Variants in TXLNG observed in about 807,000 individuals in gnomAD.
The protein encoded by TXLNG is taxilin gamma.
TXLNG carries 5 observed loss-of-function variants against 38.8 expected under a neutral mutation model. The observed-to-expected ratio is 0.13, with a 90% confidence interval of 0.07 to 0.27. The LOEUF (loss-of-function observed/expected upper bound fraction) is 0.27, where lower values mean the gene tolerates loss of function less well. Among genes scored for constraint, TXLNG ranks in the 10% least tolerant of loss-of-function variants. The pLI is 1.00. For synonymous variants in TXLNG, 182 were observed against 158.2 expected, an observed-to-expected ratio of 1.15 and a Z score of -1.13; for missense variants, 393 against 398.2, an observed-to-expected ratio of 0.99 and a Z score of 0.11.
At chrX:16,795,170 G>A (rs1390475000) in intron 1 of TXLNG, among the ~76,000 whole-genome samples, 3 of 110,173 alleles carry the variant, frequency 2.7e-5, no homozygotes, top group Non-Finnish European at 3.8e-5. Flanking sequence ...CCAGCTACTC[G>A]GGAGGCTGAG....
At chrX:16,840,569 C>T (rs1165697260) in intron 9 of TXLNG, 11 of 393,254 alleles carry the variant, frequency 2.8e-5, no homozygotes, top group East Asian at 4.0e-4. Flanking sequence ...GTCAAGAGAT[C>T]GAGACCAGCC....
chrX:16,816,142 G>C (rs5969782), intron 1 of TXLNG, among the ~76,000 whole-genome samples: 50,451 of 105,931 alleles, frequency 0.48, 9,496 homozygotes, highest in East Asian at 0.85. Context: ...TATCGGCTCA[G>C]TACAACCTCT....
intron 3 of TXLNG, among the ~76,000 whole-genome samples, chrX:16,821,287 C>A (rs772565755): frequency 9.2e-6 from 1 of 108,558 alleles, no homozygotes; most frequent in Non-Finnish European, 1.9e-5. Flanking sequence ...ACTACAGGCG[C>A]GTGCCACCAC....
Position 16,829,650 on chromosome X carries a change from A to G in TXLNG, c.744A>G (p.Leu248=). Residue 248 remains leucine (L), a synonymous_variant, in exon 5 of 10, where the codon TTA becomes TTG. Coordinates refer to ENST00000380122, the MANE Select transcript of TXLNG (RefSeq NM_018360.3). ...CAACTGCACATTTCCAGATTACCTT[A>G]AATGAAATTCAAGCCCAGCTGGAGC... ...KEATAHFQIT[L]NEIQAQLEQH... 2.5e-6 allele frequency: 3 copies of G among 1,212,104 alleles called. No individual in the cohort carries two copies. Among genetic ancestry groups the G allele is most frequent in the Non-Finnish European group, 3.3e-6 (3 of 895,556 alleles).
chrX:16,839,243 G>T (rs1311239378), intron 8 of TXLNG: 2 of 111,773 alleles, frequency 1.8e-5, no homozygotes, highest in African/African-American at 6.5e-5. Flanking sequence ...CAAAGCTGAG[G>T]TATTAACTAC....
At position 16,810,969 on chromosome X, in the gene TXLNG, C is replaced by T. The variant is rs768093020; in HGVS notation, c.103-7605C>T. Reference sequence around the variant, plus strand: ...TTGCTGGGTTTCCAGCATGAGCTACCGTGCCTGGCCAATAGTGGTATTTTC... The same window carrying T: ...TTGCTGGGTTTCCAGCATGAGCTACTGTGCCTGGCCAATAGTGGTATTTTC... On this transcript the variant is annotated intron_variant, in intron 1 of 9. Coordinates refer to ENST00000380122, the MANE Select transcript of TXLNG (RefSeq NM_018360.3). 9.8e-5 allele frequency among the ~76,000 whole-genome samples: 11 copies of T among 112,150 alleles called. No homozygotes were observed. In the South Asian group the frequency reaches 1.9e-3, roughly 19 times the overall value.
At chrX:16,795,967 C>T (rs765611807) in intron 1 of TXLNG, among the ~76,000 whole-genome samples, 10 of 108,691 alleles carry the variant, frequency 9.2e-5, no homozygotes, top group African/African-American at 3.3e-4. Flanking sequence ...TATGCGCCAC[C>T]GTGCCCGGCT....
intron 1 of TXLNG, among the ~76,000 whole-genome samples, chrX:16,802,407 T>G (rs11795439): frequency 9.3e-6 from 1 of 107,327 alleles, no homozygotes; most frequent in Non-Finnish European, 1.9e-5. Context: ...CACACCACCA[T>G]GCCCAGCTAA....
At chrX:16,840,406 C>T in intron 9 of TXLNG, 1 of 751,680 alleles carries the variant, frequency 1.3e-6, no homozygotes, top group Non-Finnish European at 1.6e-6. Context: ...TCAAAAAAAG[C>T]AACAAAGTAC....
At chrX:16,808,387 A>G (rs1928400987) in intron 1 of TXLNG, among the ~76,000 whole-genome samples, 1 of 110,552 alleles carries the variant, frequency 9.0e-6, no homozygotes, top group African/African-American at 3.4e-5. Flanking sequence ...ATTTAAATAA[A>G]TATTTCCTCC....
At chrX:16,825,051 C>T (rs1929121595) in intron 3 of TXLNG, among the ~76,000 whole-genome samples, 1 of 111,449 alleles carries the variant, frequency 9.0e-6, no homozygotes, top group African/African-American at 3.3e-5. Flanking sequence ...ACAAATAGCC[C>T]TATGGAAAGC....
At chrX:16,797,421 C>T (rs1927929465) in intron 1 of TXLNG, among the ~76,000 whole-genome samples, 1 of 111,970 alleles carries the variant, frequency 8.9e-6, no homozygotes, top group Admixed American at 9.6e-5. Context: ...TTAGCCAGGT[C>T]CTTTGCTTTA....
At chrX:16,803,521 A>AT (rs1928195938) in intron 1 of TXLNG, among the ~76,000 whole-genome samples, 1 of 104,327 alleles carries the variant, frequency 9.6e-6, no homozygotes, top group Admixed American at 1.0e-4. Flanking sequence ...CGCCCGGCTA[A>AT]TTTTTTTGTA....
At chrX:16,812,518 C>T (rs754640903) in intron 1 of TXLNG, among the ~76,000 whole-genome samples, 15 of 104,794 alleles carry the variant, frequency 1.4e-4, no homozygotes, top group Admixed American at 4.2e-4. Context: ...CTCAGCCTCC[C>T]GAGTAGCTGG....
At chrX:16,807,817 A>G (rs1179798804) in intron 1 of TXLNG, among the ~76,000 whole-genome samples, 1 of 111,635 alleles carries the variant, frequency 9.0e-6, no homozygotes, top group African/African-American at 3.3e-5. Context: ...AAGGTGTTTG[A>G]GCTCATGTGA....
intron 4 of TXLNG, among the ~76,000 whole-genome samples, chrX:16,829,178 C>T (rs1929283959): frequency 2.7e-5 from 3 of 111,663 alleles, no homozygotes; most frequent in Admixed American, 1.9e-4. Context: ...AAAGTAGTTA[C>T]AGAAAGGAAG....
At chrX:16,839,690 C>T (rs1929722197) in intron 8 of TXLNG, 131 bp from the exon 9 acceptor site, 1 of 418,324 alleles carries the variant, frequency 2.4e-6, no homozygotes, top group Non-Finnish European at 4.1e-6. Flanking sequence ...AAGACACACA[C>T]AGCTGTCAGC....
At chrX:16,828,895 C>G (rs1929273326) in intron 4 of TXLNG, among the ~76,000 whole-genome samples, 1 of 111,552 alleles carries the variant, frequency 9.0e-6, no homozygotes, top group African/African-American at 3.3e-5. Flanking sequence ...CCAATAAACT[C>G]CCTTTATGCC....
intron 1 of TXLNG, among the ~76,000 whole-genome samples, chrX:16,790,217 T>TA (rs1927653713): frequency 8.9e-6 from 1 of 111,952 alleles, no homozygotes; most frequent in South Asian, 3.7e-4. Context: ...ACTCTGGTGC[T>TA]ATATATTCTA....
Sources: gnomAD v4.1 joint callset for allele counts (sites outside exome capture counted in the v4.1 genomes callset) on GRCh38, gnomAD v4.1.1 for gene constraint, MANE v1.5 for transcripts, NCBI Gene and HGNC (gene_info 2026-07-23, HGNC 2026-07-21) for gene names.